DNAH6: variants seen among roughly 807,000 people sequenced by gnomAD.
DNAH6 encodes dynein axonemal heavy chain 6.
In DNAH6, 340 loss-of-function variants were observed where a neutral mutation model predicts 491.4. That is an observed-to-expected ratio of 0.69 (90% CI 0.63 to 0.76). The LOEUF (loss-of-function observed/expected upper bound fraction) is 0.76, where lower values mean the gene tolerates loss of function less well. DNAH6 is among the 30% of genes least tolerant of loss of function. DNAH6 has a pLI of 0.00. For missense variants in DNAH6, 4,443 were observed against 4,972.2 expected (o/e 0.89, Z 3.20); for synonymous variants, 1,603 against 1,686.1 (o/e 0.95, Z 1.21).
chr2:84,548,844 C>T (rs1279293298), intron 8 of DNAH6, among the ~76,000 whole-genome samples: 1 of 152,182 alleles, frequency 6.6e-6, no homozygotes, highest in Admixed American at 6.5e-5. Flanking sequence ...TCCTTCTGGC[C>T]CAGCCTGGGC....
chr2:84,686,951 A>C (rs534964403), intron 44 of DNAH6, among the ~76,000 whole-genome samples: 2 of 152,206 alleles, frequency 1.3e-5, no homozygotes, highest in South Asian at 4.1e-4. Context: ...TCAGGTATTC[A>C]GTTTGGAAGG....
At chr2:84,710,152 A>G in intron 55 of DNAH6, 135 bp from the exon 56 acceptor site, 2 of 1,108,858 alleles carry the variant, frequency 1.8e-6, no homozygotes, top group Non-Finnish European at 2.5e-6. Context: ...GTCGGGGGAC[A>G]GGGGAGTACA....
At chr2:84,768,342 C>T (rs1440346409) in intron 64 of DNAH6, among the ~76,000 whole-genome samples, 2 of 151,642 alleles carry the variant, frequency 1.3e-5, no homozygotes, top group Non-Finnish European at 2.9e-5. Flanking sequence ...CCTGCTGAAA[C>T]TGATTAAATA....
intron 72 of DNAH6, among the ~76,000 whole-genome samples, chr2:84,810,046 A>C (rs1473614173): frequency 6.6e-6 from 1 of 152,100 alleles, no homozygotes; most frequent in Non-Finnish European, 1.5e-5. Context: ...CCCTTTCCAC[A>C]TCATGAACTT....
At position 84,813,800 on chromosome 2, in the gene DNAH6, G is replaced by A. The variant is rs115587320; in HGVS notation, c.11999-171G>A. The stretch of plus-strand genomic sequence containing the variant: ...GGGCCCTTACCTCCCAACATGACCC[G>A]CAGGCTTCCTGACCCTGTGAACTAA... On this transcript the variant is annotated intron_variant, in intron 74 of 76. Transcript: ENST00000389394. Among the ~76,000 whole-genome samples, 369 of 152,098 alleles carry A rather than the reference G, an allele frequency of 2.4e-3. 1 individual carries two copies. The highest frequency in any genetic ancestry group is 8.5e-3 in the African/African-American group (354 of 41,482).
In DNAH6 at chr2:84,670,551, T is replaced by C. The variant is rs145050504; in HGVS notation, c.6454+76T>C. The C allele has an allele frequency of 2.2e-3, 2,246 of 1,024,816 alleles. 86 individuals carry two copies. In the East Asian group the frequency reaches 0.056, roughly 25 times the overall value. The allele number at this position is 1,024,816 out of a possible 1,614,324, so 63.5% of individuals were successfully genotyped here. On this transcript the variant is annotated intron_variant, in intron 39 of 76. Coordinates refer to ENST00000389394, the MANE Select transcript of DNAH6 (RefSeq NM_001370.2). Reference sequence around the variant, plus strand: ...TAAATGACATAAATAGTGCATGTAATAAAATGACAGTTGGATATTTTATTT... The same window carrying C: ...TAAATGACATAAATAGTGCATGTAACAAAATGACAGTTGGATATTTTATTT...
chr2:84,584,421 A>G (rs1683338915), intron 15 of DNAH6, 171 bp downstream of exon 15: 6 of 658,242 alleles, frequency 9.1e-6, no homozygotes, highest in Non-Finnish European at 1.0e-5. Flanking sequence ...TAATGTGTCC[A>G]TCACGTCACA....
the DNAH6 span, among the ~76,000 whole-genome samples, chr2:84,487,112 A>G: frequency 6.6e-6 from 1 of 152,158 alleles, no homozygotes; most frequent in Non-Finnish European, 1.5e-5. Flanking sequence ...ACCATAGACA[A>G]AAAGAGTAAA....
intron 68 of DNAH6, among the ~76,000 whole-genome samples, chr2:84,788,047 A>G (rs1677377008): frequency 6.6e-6 from 1 of 152,210 alleles, no homozygotes; most frequent in African/African-American, 2.4e-5. Context: ...AGAGCCTAAA[A>G]GGTAAAATGA....
rs990279902 is a variant in DNAH6, at chr2:84,624,551, G to A, written c.4284G>A (p.Ala1428=). 12 of 1,551,488 alleles carry A rather than the reference G, an allele frequency of 7.7e-6. No homozygotes were observed. The highest frequency in any genetic ancestry group is 3.6e-5 in the South Asian group (3 of 84,058). ...TGGATAATTGTGTGGCTAGAATGGC[G>A]CTCTCTCAGTACACTTATGGCTATG... ...IDLDNCVARM[A]LSQYTYGYEY... Residue 1428 remains alanine, a synonymous_variant, in exon 28 of 77, where the codon GCG becomes GCA. Transcript: ENST00000389394.
chr2:84,794,489 C>A (rs920897873), intron 68 of DNAH6, among the ~76,000 whole-genome samples: 1 of 149,864 alleles, frequency 6.7e-6, no homozygotes, highest in African/African-American at 2.4e-5. Context: ...AAGAAAAAAA[C>A]AAACAACCCC....
chr2:84,709,321 G>C, intron 54 of DNAH6, 22 bp from the exon 55 acceptor site: 1 of 1,550,952 alleles, frequency 6.4e-7, no homozygotes, highest in Non-Finnish European at 8.7e-7. Context: ...CTCTACTCAA[G>C]TAAGCTTTCC....
At chr2:84,784,397 C>G (rs1676981826) in intron 65 of DNAH6, among the ~76,000 whole-genome samples, 1 of 152,174 alleles carries the variant, frequency 6.6e-6, no homozygotes. Flanking sequence ...AATAACTGCC[C>G]TCTTTTTCAA....
the DNAH6 span, among the ~76,000 whole-genome samples, chr2:84,482,369 C>T: frequency 5.3e-5 from 8 of 152,188 alleles, no homozygotes; most frequent in African/African-American, 9.7e-5. Flanking sequence ...TTGGAGCTGA[C>T]GTTTAAGTCA....
chr2:84,520,245 C>T (rs924394811), intron 2 of DNAH6, among the ~76,000 whole-genome samples: 1 of 152,020 alleles, frequency 6.6e-6, no homozygotes, highest in Non-Finnish European at 1.5e-5. Flanking sequence ...TTAATTCACA[C>T]ATATTTTACC....
chr2:84,677,455 A>G (rs1573453565), intron 41 of DNAH6, among the ~76,000 whole-genome samples: 2 of 152,140 alleles, frequency 1.3e-5, no homozygotes, highest in Admixed American at 6.5e-5. Context: ...TCTCATCACT[A>G]CCCAGCCCCT....
At chr2:84,710,832 G>C (rs1696970199) in intron 56 of DNAH6, among the ~76,000 whole-genome samples, 1 of 151,062 alleles carries the variant, frequency 6.6e-6, no homozygotes, top group Non-Finnish European at 1.5e-5. Flanking sequence ...AAGTGAATTA[G>C]ATAAGAATTA....
At chr2:84,751,313 G>C (rs1435815080) in intron 63 of DNAH6, 4 of 152,244 alleles carry the variant, frequency 2.6e-5, no homozygotes, top group Non-Finnish European at 5.9e-5. Flanking sequence ...TAACCAAACT[G>C]TTGTTTCCAG....
the DNAH6 span, among the ~76,000 whole-genome samples, chr2:84,474,974 T>G: frequency 6.6e-6 from 1 of 152,218 alleles, no homozygotes; most frequent in African/African-American, 2.4e-5. Context: ...TCACTGTGCT[T>G]CTTCTAGTTT....
Sources: gnomAD v4.1 joint callset for allele counts (sites outside exome capture counted in the v4.1 genomes callset) on GRCh38, gnomAD v4.1.1 for gene constraint, MANE v1.5 for transcripts, NCBI Gene and HGNC (gene_info 2026-07-23, HGNC 2026-07-21) for gene names.